Variants in MAPK13 observed in about 807,000 individuals in gnomAD.
The protein encoded by MAPK13 is MAP kinase 13.
In MAPK13, 39 loss-of-function variants were observed where a neutral mutation model predicts 53.5. The ratio of observed to expected loss-of-function variants is 0.73; its 90% CI spans 0.56 to 0.95. The LOEUF is 0.95. Ranked by LOEUF, MAPK13 falls within the 40% of genes least tolerant of loss-of-function variation. The probability of loss-of-function intolerance (pLI) is 0.00; values close to 1 mark genes in which losing one functional copy is unlikely to be tolerated. For missense variants in MAPK13, 460 were observed against 471.8 expected, an observed-to-expected ratio of 0.98 and a Z score of 0.23; for synonymous variants, 179 against 190.9, an observed-to-expected ratio of 0.94 and a Z score of 0.51.
Position 36,130,576 on chromosome 6 carries a change from GC to G in MAPK13, c.-4del. 6.7e-7 allele frequency: 1 copy of G among 1,493,906 alleles called. No individual in the cohort carries two copies. The highest frequency in any genetic ancestry group is 9.1e-7 in the Non-Finnish European group (1 of 1,100,256). 92.5% of individuals were successfully genotyped at this position (1,493,906 alleles called of 1,614,324 possible). ...CACGCTGGGGCCGCCGAGATCGGGT[GC>G]CCGGGATGAGCCTCATCCGGAAAAA... On this transcript the variant is annotated 5_prime_UTR_variant, in exon 1 of 12. Transcript: ENST00000211287. This position sits in a 1 kb window ranked among gnomAD's most constrained non-coding sequence, Gnocchi z 4.5.
At position 36,144,455 on chromosome 6, in the gene MAPK13, C is replaced by A. The variant is rs751272348; in HGVS notation, c.*5082C>A. ...TATTGGCACTGCTGATACAACTGCA[C>A]TTTGCTACCTTTGTTCATAACCAAG... On this transcript the variant is annotated 3_prime_UTR_variant, in exon 12 of 12. Transcript: ENST00000211287. 2.0e-5 allele frequency: 3 copies of A among 152,186 alleles called. No homozygotes were observed. The highest frequency in any genetic ancestry group is 2.9e-5 in the Non-Finnish European group (2 of 68,034). 9.4% of individuals were successfully genotyped at this position (152,186 alleles called of 1,614,324 possible). A position where few individuals can be genotyped will look rare whatever the true frequency, so the allele number is the denominator to read the frequency against.
intron 3 of MAPK13, among the ~76,000 whole-genome samples, chr6:36,134,325 A>C (rs1766373331): frequency 6.6e-6 from 1 of 152,118 alleles, no homozygotes; most frequent in African/African-American, 2.4e-5. Context: ...TTCAAAAACA[A>C]CAACAACAAC....
Position 36,139,515 on chromosome 6 carries a change from T to C in MAPK13, c.*142T>C. On this transcript the variant is annotated 3_prime_UTR_variant, in exon 12 of 12. Coordinates refer to ENST00000211287, the MANE Select transcript of MAPK13 (RefSeq NM_002754.5). The stretch of plus-strand genomic sequence containing the variant: ...CTCCTTATGTGGGAAATGGGCCTAG[T>C]AGATGCAGAATTCAAAGATGTCGGT... 1 of 652,276 alleles carries C rather than the reference T, an allele frequency of 1.5e-6. No individual in the cohort carries two copies. Among genetic ancestry groups the C allele is most frequent in the Non-Finnish European group, 2.7e-6 (1 of 369,702 alleles). The allele number at this position is 652,276 out of a possible 1,614,324, so 40.4% of individuals were successfully genotyped here.
rs57132353 is a variant in MAPK13 at position 36,135,789 on chromosome 6, G to A, written c.345G>A (p.Gln115=). 1 of 1,614,116 alleles carries A rather than the reference G, an allele frequency of 6.2e-7. No individual in the cohort carries two copies. The highest frequency in any genetic ancestry group is 8.5e-7 in the Non-Finnish European group (1 of 1,179,982). ...LVMPFMQTDL[Q]KIMGMEFSEE... The stretch of plus-strand genomic sequence containing the variant: ...TGCCCTTCATGCAGACGGATCTGCA[G>A]AAGATCATGGGGATGGAGTTCAGTG... Residue 115 remains glutamine, a synonymous_variant, in exon 4 of 12, where the codon CAG becomes CAA. Coordinates refer to ENST00000211287, the MANE Select transcript of MAPK13 (RefSeq NM_002754.5).
chr6:36,137,649 C>CAA lies in MAPK13; in HGVS notation c.683-697_683-696dup, dbSNP rs71540139. Among the ~76,000 whole-genome samples, 419 of 120,008 alleles carry CAA rather than the reference C, an allele frequency of 3.5e-3. 4 individuals carry two copies. The highest frequency in any genetic ancestry group is 0.012 in the South Asian group (42 of 3,362). The allele number at this position is 120,008 out of a possible 152,430, so 78.7% of individuals were successfully genotyped here. ...TGGGTGACAGAGGGAGACCCTAACTCAAAAAAAAAAAAAAAAAAAACAAAA... is the reference window on the plus strand; with the variant it reads ...TGGGTGACAGAGGGAGACCCTAACTCAAAAAAAAAAAAAAAAAAAAAACAAAA... On this transcript the variant is annotated intron_variant, in intron 8 of 11. Transcript: ENST00000211287.
At chr6:36,134,790 G>T (rs945532072) in intron 3 of MAPK13, among the ~76,000 whole-genome samples, 8 of 152,074 alleles carry the variant, frequency 5.3e-5, no homozygotes, top group Non-Finnish European at 1.2e-4. Context: ...GAGGCAGGCA[G>T]ATCACCTGAG....
intron 2 of MAPK13, 77 bp from the exon 3 acceptor site, chr6:36,132,544 T>C (rs1287257401): frequency 2.0e-5 from 27 of 1,320,744 alleles, no homozygotes; most frequent in Non-Finnish European, 2.7e-5. Context: ...GATGGCCCTG[T>C]GCATGGCCAG....
At chr6:36,131,156 A>G in intron 1 of MAPK13, 115 bp from the exon 2 acceptor site, 1 of 1,229,126 alleles carries the variant, frequency 8.1e-7, no homozygotes, top group African/African-American at 1.5e-5. Flanking sequence ...CCCATATTCT[A>G]GGTGGTGGGC....
chr6:36,133,299 T>C (rs1766354337), intron 3 of MAPK13, among the ~76,000 whole-genome samples: 1 of 152,064 alleles, frequency 6.6e-6, no homozygotes, highest in Non-Finnish European at 1.5e-5. Flanking sequence ...CGGGAGGTGA[T>C]ATGTTCAGAT....
chr6:36,135,650 G>A (rs1035070729), intron 3 of MAPK13, 103 bp from the exon 4 acceptor site: 40 of 725,870 alleles, frequency 5.5e-5, no homozygotes, highest in Middle Eastern at 7.5e-4. Context: ...ACACTGGAGG[G>A]TGTCTCTATG....
rs1387013574 is a variant in MAPK13 at position 36,139,063 on chromosome 6, C to G, written c.1018+8C>G. 1.3e-6 allele frequency: 2 copies of G among 1,574,290 alleles called. No individual in the cohort carries two copies. The highest frequency in any genetic ancestry group is 4.5e-5 in the East Asian group (2 of 44,426). On this transcript the variant is annotated splice_region_variant and intron_variant, in intron 11 of 11. Transcript: ENST00000211287. The stretch of plus-strand genomic sequence containing the variant: ...CAGTGGATGAATGGAAGCGTAAGAG[C>G]TGGGGCCTCGGGCTTCCTCGCCTCC...
Position 36,140,116 on chromosome 6 carries a change from C to A in MAPK13, c.*743C>A, listed in dbSNP as rs963622214. 1.3e-5 allele frequency: 2 copies of A among 152,238 alleles called. No homozygotes were observed. The highest frequency in any genetic ancestry group is 2.9e-5 in the Non-Finnish European group (2 of 68,050). The allele number at this position is 152,238 out of a possible 1,614,324, so 9.4% of individuals were successfully genotyped here. A position where few individuals can be genotyped will look rare whatever the true frequency, so the allele number is the denominator to read the frequency against. On this transcript the variant is annotated 3_prime_UTR_variant, in exon 12 of 12. Transcript: ENST00000211287. ...ACTACAGACAGCTGGGAGGGAGGGG[C>A]CCCTTCCTGGGCCCCGTGCTGAGGC... is the stretch of plus-strand genomic sequence containing the variant.
chr6:36,131,447 G>A, intron 2 of MAPK13, 47 bp downstream of exon 2: 2 of 1,571,180 alleles, frequency 1.3e-6, no homozygotes, highest in Non-Finnish European at 1.7e-6. Context: ...GCCCTGGGGA[G>A]TCAGGGGCAG....
chr6:36,135,128 G>A (rs1447399302), intron 3 of MAPK13, among the ~76,000 whole-genome samples: 2 of 152,234 alleles, frequency 1.3e-5, no homozygotes, highest in Non-Finnish European at 2.9e-5. Context: ...ACTGGGATTG[G>A]AGGTATGCCC....
In MAPK13 at chr6:36,139,385, G is replaced by T; in HGVS notation, c.*12G>T. On this transcript the variant is annotated 3_prime_UTR_variant, in exon 12 of 12. Transcript: ENST00000211287. The stretch of plus-strand genomic sequence containing the variant: ...GCATGAAGCTGTAGGGACTCATCTT[G>T]CATGGCACCGCCGGCCAGACACTGC... The T allele has an allele frequency of 1.9e-6, 3 of 1,612,818 alleles. No individual in the cohort carries two copies. Among genetic ancestry groups the T allele is most frequent in the Non-Finnish European group, 2.5e-6 (3 of 1,178,928 alleles).
Position 36,136,875 on chromosome 6 carries a change from G to T in MAPK13, c.611-4G>T. On this transcript the variant is annotated splice_region_variant and splice_polypyrimidine_tract_variant and intron_variant, in intron 7 of 11. Transcript: ENST00000211287. ...TCCAGGTGACACTCTCCCTCCCTCTGCAGTGGACATCTGGTCTGTGGGCTG... is the reference window on the plus strand; with the variant it reads ...TCCAGGTGACACTCTCCCTCCCTCTTCAGTGGACATCTGGTCTGTGGGCTG... 1 of 1,614,080 alleles carries T rather than the reference G, an allele frequency of 6.2e-7. No individual in the cohort carries two copies. The highest frequency in any genetic ancestry group is 2.2e-5 in the East Asian group (1 of 44,882).
chr6:36,136,458 G>A (rs1766418324), intron 5 of MAPK13, 26 bp from the exon 6 acceptor site: 2 of 1,565,438 alleles, frequency 1.3e-6, no homozygotes, highest in Non-Finnish European at 1.7e-6. Context: ...CCTCAGCCTA[G>A]CATGCATTCT....
intron 2 of MAPK13, 64 bp from the exon 3 acceptor site, chr6:36,132,557 C>A (rs1425270740): frequency 4.0e-6 from 6 of 1,490,044 alleles, no homozygotes; most frequent in Non-Finnish European, 5.6e-6. Flanking sequence ...ATGGCCAGGG[C>A]CCAGGAGGAG....
intron 3 of MAPK13, among the ~76,000 whole-genome samples, chr6:36,134,925 A>G (rs919101938): frequency 1.3e-5 from 2 of 152,172 alleles, no homozygotes; most frequent in Admixed American, 1.3e-4. Flanking sequence ...TGAGGCAGGA[A>G]AATCGCTTGA....
Sources: allele counts gnomAD v4.1 joint callset (sites outside exome capture counted in the v4.1 genomes callset), GRCh38; gene constraint gnomAD v4.1.1; non-coding constraint Gnocchi (gnomAD v3.1); transcripts MANE v1.5; gene names NCBI Gene and HGNC (gene_info 2026-07-23, HGNC 2026-07-21).